RPS6KC1: variants seen among roughly 807,000 people sequenced by gnomAD.
The protein encoded by RPS6KC1 is inactive ribosomal protein S6 kinase delta-1.
In RPS6KC1, 54 loss-of-function variants were observed where a neutral mutation model predicts 103.8. The observed-to-expected ratio is 0.52, with a 90% CI of 0.42 to 0.65. The LOEUF is 0.65. Ranked by LOEUF, RPS6KC1 falls within the 30% of genes least tolerant of loss-of-function variation. The probability of loss-of-function intolerance (pLI) is 0.00; values close to 1 mark genes in which losing one functional copy is unlikely to be tolerated. For synonymous variants in RPS6KC1, 439 were observed against 438.7 expected, an observed-to-expected ratio of 1.00 and a Z score of -0.01; for missense variants, 1,151 against 1,253.8, an observed-to-expected ratio of 0.92 and a Z score of 1.24.
intron 8 of RPS6KC1, among the ~76,000 whole-genome samples, chr1:213,227,023 G>A (rs1198027078): frequency 6.6e-6 from 1 of 152,186 alleles, no homozygotes. Context: ...AGAAGTTCCA[G>A]TGTTTCAGAG....
the RPS6KC1 span, among the ~76,000 whole-genome samples, chr1:213,861,539 ACT>A: frequency 2.0e-5 from 3 of 151,808 alleles, no homozygotes; most frequent in African/African-American, 7.3e-5. Context: ...AAAACACAAG[ACT>A]CTTTGCTAGT....
the RPS6KC1 span, among the ~76,000 whole-genome samples, chr1:213,630,673 T>G: frequency 1.9e-4 from 29 of 152,176 alleles, no homozygotes; most frequent in Non-Finnish European, 1.3e-4. Context: ...TAGAGTTTTG[T>G]TTTTCTGCTC....
the RPS6KC1 span, among the ~76,000 whole-genome samples, chr1:213,811,601 C>T: frequency 4.6e-5 from 7 of 152,126 alleles, no homozygotes; most frequent in Non-Finnish European, 1.0e-4. Context: ...CAGGAGGACT[C>T]ATGAAGGAGT....
At chr1:213,229,143 G>A (rs1247527711) in intron 8 of RPS6KC1, among the ~76,000 whole-genome samples, 1 of 152,126 alleles carries the variant, frequency 6.6e-6, no homozygotes, top group Non-Finnish European at 1.5e-5. Context: ...TGAGAATATT[G>A]TATTGAAATT....
the RPS6KC1 span, among the ~76,000 whole-genome samples, chr1:213,851,158 C>T: frequency 1.1e-4 from 17 of 152,266 alleles, no homozygotes; most frequent in African/African-American, 4.1e-4. Flanking sequence ...AATTCCCATT[C>T]CTAAAATCTA....
chr1:213,099,458 A>G (rs1045552099), intron 3 of RPS6KC1, among the ~76,000 whole-genome samples: 5 of 152,194 alleles, frequency 3.3e-5, no homozygotes, highest in Admixed American at 1.3e-4. Flanking sequence ...TCTTTCACCC[A>G]TACATATTTT....
chr1:213,097,606 T>G (rs1253254809), intron 3 of RPS6KC1, among the ~76,000 whole-genome samples: 1 of 152,208 alleles, frequency 6.6e-6, no homozygotes, highest in Non-Finnish European at 1.5e-5. Context: ...TGCTTCGAAG[T>G]GTGGAAACCA....
At chr1:213,790,513 A>T in the RPS6KC1 span, among the ~76,000 whole-genome samples, 3 of 152,354 alleles carry the variant, frequency 2.0e-5, no homozygotes, top group East Asian at 5.8e-4. Flanking sequence ...AGTTGTCAAC[A>T]TCTGTCCAGG....
the RPS6KC1 span, among the ~76,000 whole-genome samples, chr1:213,283,324 C>A: frequency 6.6e-6 from 1 of 152,174 alleles, no homozygotes; most frequent in East Asian, 1.9e-4. Flanking sequence ...CCCACATAAT[C>A]CCCCACAAAA....
chr1:213,820,199 A>T, the RPS6KC1 span: 1 of 152,168 alleles, frequency 6.6e-6, no homozygotes, highest in African/African-American at 2.4e-5. Flanking sequence ...GACTCTGGGG[A>T]CATCTCTGAG....
chr1:213,214,098 G>A (rs966622242), intron 8 of RPS6KC1, among the ~76,000 whole-genome samples: 5 of 111,202 alleles, frequency 4.5e-5, no homozygotes, highest in South Asian at 5.8e-4. Context: ...CCTGGGAAGC[G>A]CAAGGGGTCA....
chr1:213,561,414 T>C, the RPS6KC1 span, among the ~76,000 whole-genome samples: 1 of 152,226 alleles, frequency 6.6e-6, no homozygotes, highest in Non-Finnish European at 1.5e-5. Context: ...ATGGATGTTC[T>C]AGAGGACTGA....
At chr1:213,297,509 A>T in the RPS6KC1 span, among the ~76,000 whole-genome samples, 2 of 152,228 alleles carry the variant, frequency 1.3e-5, no homozygotes, top group African/African-American at 4.8e-5. Flanking sequence ...AATGCAAAGG[A>T]TTAGCCGAGA....
At chr1:213,549,614 T>C in the RPS6KC1 span, among the ~76,000 whole-genome samples, 2 of 17,878 alleles carry the variant, frequency 1.1e-4, no homozygotes, top group East Asian at 7.8e-3. Flanking sequence ...TTCTTTTCCT[T>C]TTTTTTTTTT....
chr1:213,312,214 C>T, the RPS6KC1 span, among the ~76,000 whole-genome samples: 1 of 151,592 alleles, frequency 6.6e-6, no homozygotes, highest in Non-Finnish European at 1.5e-5. Context: ...GCTTCTGATT[C>T]TGCACACCAG....
At chr1:213,616,417 C>T in the RPS6KC1 span, among the ~76,000 whole-genome samples, 2 of 152,144 alleles carry the variant, frequency 1.3e-5, no homozygotes, top group Non-Finnish European at 2.9e-5. Context: ...CGGTGGGCAC[C>T]GCTGATGCAT....
the RPS6KC1 span, among the ~76,000 whole-genome samples, chr1:213,360,666 G>GT: frequency 6.6e-6 from 1 of 152,180 alleles, no homozygotes; most frequent in Admixed American, 6.5e-5. Context: ...TTTCTGTTCT[G>GT]TTTTTTCCCC....
the RPS6KC1 span, among the ~76,000 whole-genome samples, chr1:213,622,946 G>A: frequency 1.3e-5 from 2 of 152,110 alleles, no homozygotes; most frequent in South Asian, 2.1e-4. Context: ...TTTCAGTCGC[G>A]CGAGGCCAGA....
chr1:213,061,591 G>T (rs1572263467), intron 1 of RPS6KC1, among the ~76,000 whole-genome samples: 1 of 144,400 alleles, frequency 6.9e-6, no homozygotes. Flanking sequence ...AGACTTGGGT[G>T]TTTTTTTTTT....
Sources: allele counts gnomAD v4.1 joint callset (sites outside exome capture counted in the v4.1 genomes callset), GRCh38; gene constraint gnomAD v4.1.1; transcripts MANE v1.5; gene names NCBI Gene and HGNC (gene_info 2026-07-23, HGNC 2026-07-21).